The following SYN2 variants were observed in gnomAD, a reference collection of about 807,000 sequenced individuals.
SYN2 encodes the protein synapsin II.
In SYN2, 19 loss-of-function variants were observed where a neutral mutation model predicts 50.9. The ratio of observed to expected loss-of-function variants is 0.37; its 90% CI spans 0.26 to 0.55. The LOEUF is 0.55. SYN2 is among the 20% of genes least tolerant of loss of function. The probability of loss-of-function intolerance (pLI) is 0.81; values close to 1 mark genes in which losing one functional copy is unlikely to be tolerated. For synonymous variants in SYN2, 255 were observed against 224.9 expected, an observed-to-expected ratio of 1.13 and a Z score of -1.20; for missense variants, 587 against 576.4, an observed-to-expected ratio of 1.02 and a Z score of -0.19.
intron 7 of SYN2, among the ~76,000 whole-genome samples, chr3:12,164,820 G>A (rs1697741246): frequency 6.6e-6 from 1 of 151,990 alleles, no homozygotes; most frequent in Non-Finnish European, 1.5e-5. Context: ...ATGTAAGGAT[G>A]ATGTTATTTT....
intron 1 of SYN2, among the ~76,000 whole-genome samples, chr3:12,066,765 A>G (rs547991171): frequency 6.6e-6 from 1 of 152,278 alleles, no homozygotes; most frequent in Non-Finnish European, 1.5e-5. Flanking sequence ...CCGTTCTCAC[A>G]CTGCTATAAA....
chr3:12,079,117 G>A (rs1448190484), intron 1 of SYN2, among the ~76,000 whole-genome samples: 1 of 152,152 alleles, frequency 6.6e-6, no homozygotes, highest in Non-Finnish European at 1.5e-5. Flanking sequence ...TGTTGTTGGT[G>A]TATAGGAATG....
At chr3:12,035,893 G>A (rs1486586154) in intron 1 of SYN2, among the ~76,000 whole-genome samples, 1 of 152,192 alleles carries the variant, frequency 6.6e-6, no homozygotes, top group Non-Finnish European at 1.5e-5. Context: ...TTCTGTTGGT[G>A]AGGGTCCAGG....
At chr3:12,044,181 T>TCACACACACACACA (rs1553610019) in intron 1 of SYN2, among the ~76,000 whole-genome samples, 26 of 53,352 alleles carry the variant, frequency 4.9e-4, no homozygotes, top group Non-Finnish European at 1.0e-3. Flanking sequence ...TCTCTCTCTC[T>TCACACACACACACA]CACACACACA....
intron 1 of SYN2, among the ~76,000 whole-genome samples, chr3:12,088,002 G>A (rs1160041301): frequency 6.6e-6 from 1 of 151,864 alleles, no homozygotes; most frequent in African/African-American, 2.4e-5. Context: ...AAAACCATAG[G>A]TTGAGCAATG....
intron 1 of SYN2, among the ~76,000 whole-genome samples, chr3:12,122,768 A>G (rs1696588379): frequency 6.6e-6 from 1 of 152,212 alleles, no homozygotes; most frequent in Admixed American, 6.5e-5. Context: ...AGTGCTTATC[A>G]GAAGAAAACA....
At chr3:12,140,073 C>A (rs1696978950) in intron 1 of SYN2, among the ~76,000 whole-genome samples, 1 of 152,184 alleles carries the variant, frequency 6.6e-6, no homozygotes, top group South Asian at 2.1e-4. Flanking sequence ...CAATGGCTTC[C>A]CTCAGTCTTT....
At chr3:12,188,880 G>T (rs548267592) in intron 12 of SYN2, among the ~76,000 whole-genome samples, 45 of 152,188 alleles carry the variant, frequency 3.0e-4, no homozygotes, top group African/African-American at 1.1e-3. Flanking sequence ...TAGCCCCCGC[G>T]TGAGGGCAGA....
At chr3:12,083,034 C>G (rs1403817809) in intron 1 of SYN2, among the ~76,000 whole-genome samples, 2 of 152,120 alleles carry the variant, frequency 1.3e-5, no homozygotes, top group Non-Finnish European at 2.9e-5. Context: ...TTCCCCGAGA[C>G]TGAGTCTCAC....
intron 1 of SYN2, among the ~76,000 whole-genome samples, chr3:12,015,285 T>TA (rs1574887008): frequency 1.3e-5 from 2 of 152,324 alleles, no homozygotes; most frequent in Admixed American, 6.5e-5. Flanking sequence ...TCATAGCAGT[T>TA]AGCCCACTGT....
At chr3:12,123,334 A>G (rs1410244609) in intron 1 of SYN2, among the ~76,000 whole-genome samples, 1 of 152,246 alleles carries the variant, frequency 6.6e-6, no homozygotes, top group Non-Finnish European at 1.5e-5. Context: ...AAGAGCATCC[A>G]AAGATAAAAG....
At chr3:12,134,354 C>G (rs1696851806) in intron 1 of SYN2, among the ~76,000 whole-genome samples, 1 of 152,200 alleles carries the variant, frequency 6.6e-6, no homozygotes, top group South Asian at 2.1e-4. Context: ...CTCCACCTGA[C>G]ATTTAAAGCC....
intron 1 of SYN2, among the ~76,000 whole-genome samples, chr3:12,038,209 C>G (rs530731420): frequency 4.5e-4 from 68 of 152,222 alleles, no homozygotes; most frequent in South Asian, 1.5e-3. Context: ...ATCAACTCAC[C>G]ATAGAATTGT....
At chr3:12,101,901 A>G (rs937342987) in intron 1 of SYN2, among the ~76,000 whole-genome samples, 6 of 152,120 alleles carry the variant, frequency 3.9e-5, no homozygotes, top group Admixed American at 1.3e-4. Flanking sequence ...TGCCTGGGGG[A>G]TACAGGGATT....
At chr3:12,067,001 T>G (rs1253710840) in intron 1 of SYN2, among the ~76,000 whole-genome samples, 1 of 152,080 alleles carries the variant, frequency 6.6e-6, no homozygotes, top group Non-Finnish European at 1.5e-5. Flanking sequence ...GAAAAGCCCC[T>G]TATATAAACT....
intron 4 of SYN2, among the ~76,000 whole-genome samples, chr3:12,147,136 T>G (rs1262369989): frequency 2.0e-5 from 3 of 152,134 alleles, no homozygotes; most frequent in African/African-American, 7.2e-5. Context: ...CTGGAACTTG[T>G]GTCTAATTGT....
intron 1 of SYN2, among the ~76,000 whole-genome samples, chr3:12,006,764 T>A (rs1397616801): frequency 6.6e-6 from 1 of 152,172 alleles, no homozygotes; most frequent in African/African-American, 2.4e-5. Flanking sequence ...AGTGGATACA[T>A]GAAACAGTTA....
chr3:12,044,127 C>T lies in SYN2; in HGVS notation c.377+39199C>T, dbSNP rs547133848. The stretch of plus-strand genomic sequence containing the variant: ...TCCTCTTCTCCTTCTTCCCCACTTT[C>T]CAGGTTCTAGTGTCAACCTTTAGAA... On this transcript the variant is annotated intron_variant, in intron 1 of 12. Coordinates refer to ENST00000621198, the MANE Select transcript of SYN2 (RefSeq NM_133625.6). Among the ~76,000 whole-genome samples the T allele has an allele frequency of 2.0e-5, 3 of 150,120 alleles. No homozygotes were observed. In the South Asian group the frequency reaches 6.3e-4, roughly 32 times the overall value.
intron 1 of SYN2, among the ~76,000 whole-genome samples, chr3:12,036,207 C>T (rs114125414): frequency 6.6e-6 from 1 of 152,212 alleles, no homozygotes; most frequent in Non-Finnish European, 1.5e-5. Context: ...AGTGGAGACT[C>T]TCTGTGGTGG....
Sources: gnomAD v4.1 joint callset for allele counts (sites outside exome capture counted in the v4.1 genomes callset) on GRCh38, gnomAD v4.1.1 for gene constraint, MANE v1.5 for transcripts, NCBI Gene and HGNC (gene_info 2026-07-23, HGNC 2026-07-21) for gene names.